Variants in CHRND observed in about 807,000 individuals in gnomAD.
CHRND encodes cholinergic receptor nicotinic delta subunit, also known as acetylcholine receptor subunit delta.
A neutral mutation model predicts 57.8 loss-of-function variants in CHRND; 40 were observed. That is an observed-to-expected ratio of 0.69 (90% confidence interval 0.54 to 0.90). The LOEUF is 0.90. Ranked by LOEUF, CHRND falls within the 40% of genes least tolerant of loss-of-function variation. The pLI is 0.00. For missense variants in CHRND, 634 were observed against 673.9 expected, an observed-to-expected ratio of 0.94 and a Z score of 0.66; for synonymous variants, 237 against 270.6, an observed-to-expected ratio of 0.88 and a Z score of 1.22.
chr2:232,530,875 G>A (rs1342407796), intron 7 of CHRND, among the ~76,000 whole-genome samples: 1 of 152,186 alleles, frequency 6.6e-6, no homozygotes, highest in Non-Finnish European at 1.5e-5. Flanking sequence ...CAGGTGGGAA[G>A]AGCAAGACAG....
At position 232,530,123 on chromosome 2, in the gene CHRND, C is replaced by T. The variant is rs1483430365; in HGVS notation, c.804C>T (p.Phe268=). The T allele has an allele frequency of 6.2e-7, 1 of 1,614,160 alleles. No homozygotes were observed. Among genetic ancestry groups the T allele is most frequent in the African/African-American group, 1.3e-5 (1 of 75,044 alleles). Residue 268 remains phenylalanine (F), a synonymous_variant, in exon 7 of 12, where the codon TTC becomes TTT. Coordinates refer to ENST00000258385, the MANE Select transcript of CHRND (RefSeq NM_000751.3). ...VLISFMVNLV[F]YLPADSGEKT... is the part of the protein sequence containing the mutation. Reference sequence around the variant, plus strand: ...TCTCCTTCATGGTCAACCTGGTCTTCTACCTACCGGCTGACAGTGAGCCTC... The same window carrying T: ...TCTCCTTCATGGTCAACCTGGTCTTTTACCTACCGGCTGACAGTGAGCCTC...
intron 1 of CHRND, 92 bp downstream of exon 1, chr2:232,526,359 C>A: frequency 6.6e-7 from 1 of 1,523,588 alleles, no homozygotes; most frequent in Non-Finnish European, 9.0e-7. Context: ...CACTCCCACT[C>A]TGCCATCTCT....
intron 9 of CHRND, among the ~76,000 whole-genome samples, chr2:232,532,711 C>T (rs999291313): frequency 2.0e-5 from 3 of 152,130 alleles, no homozygotes; most frequent in African/African-American, 7.2e-5. Context: ...CAGGCCAAAT[C>T]AGTGTTTGGT....
rs113196165 is a variant in CHRND at position 232,531,299 on chromosome 2, T to G, written c.821-53T>G. 6.4e-4 allele frequency: 624 copies of G among 982,352 alleles called. 2 individuals carry two copies. The highest frequency in any genetic ancestry group is 4.6e-3 in the South Asian group (276 of 60,386). The allele number at this position is 982,352 out of a possible 1,614,324, so 60.9% of individuals were successfully genotyped here. A position where few individuals can be genotyped will look rare whatever the true frequency, so the allele number is the denominator to read the frequency against. ...AGGACCGGTGCCCCAAGGTCACAGCTGGACCCTCTAGGACCGGTGCCCCAA... is the reference window on the plus strand; with the variant it reads ...AGGACCGGTGCCCCAAGGTCACAGCGGGACCCTCTAGGACCGGTGCCCCAA... On this transcript the variant is annotated intron_variant, in intron 7 of 11. Coordinates refer to ENST00000258385, the MANE Select transcript of CHRND (RefSeq NM_000751.3).
chr2:232,526,318 G>A (rs748945280), intron 1 of CHRND, 51 bp downstream of exon 1: 8 of 1,587,296 alleles, frequency 5.0e-6, no homozygotes, highest in South Asian at 1.1e-5. Context: ...TGCTTACCCA[G>A]GCCCCACACC....
intron 9 of CHRND, among the ~76,000 whole-genome samples, chr2:232,533,441 G>T (rs897367395): frequency 6.6e-6 from 1 of 152,220 alleles, no homozygotes; most frequent in African/African-American, 2.4e-5. Context: ...CGCACCATGG[G>T]TGATGTGGGA....
rs1191268568 is a variant in CHRND, at chr2:232,528,340, G to C, written c.322G>C (p.Val108Leu). Reference protein sequence around the residue: ...ISVLRLPPDMVWLPEIVLENN... With the variant: ...ISVLRLPPDMLWLPEIVLENN... ...TGTCCTGCGCCTCCCCCCGGACATGGTGTGGCTCCCAGAGATTGTGCTGGA... is the reference window on the plus strand; with the variant it reads ...TGTCCTGCGCCTCCCCCCGGACATGCTGTGGCTCCCAGAGATTGTGCTGGA... The change falls in exon 4 of 12, where the codon GTG becomes CTG. Residue 108 changes from valine (V) to leucine (L), a missense_variant. Coordinates refer to ENST00000258385, the MANE Select transcript of CHRND (RefSeq NM_000751.3). The C allele has an allele frequency of 4.3e-6, 7 of 1,614,106 alleles. No homozygotes were observed. Among genetic ancestry groups the C allele is most frequent in the Middle Eastern group, 1.6e-4 (1 of 6,062 alleles).
At position 232,528,861 on chromosome 2, in the gene CHRND, G is replaced by C; in HGVS notation, c.510-1G>C. On this transcript the variant is annotated splice_acceptor_variant, in intron 5 of 11. Coordinates refer to ENST00000258385, the MANE Select transcript of CHRND (RefSeq NM_000751.3). LOFTEE classifies it high-confidence loss of function. Reference sequence around the variant, plus strand: ...CACTCTCTGCCCATTGCCCTCCCCAGTTCCCTCAAGTATACGGCCAAAGAG... The same window carrying C: ...CACTCTCTGCCCATTGCCCTCCCCACTTCCCTCAAGTATACGGCCAAAGAG... 2 of 1,613,316 alleles carry C rather than the reference G, an allele frequency of 1.2e-6. No individual in the cohort carries two copies. Among genetic ancestry groups the C allele is most frequent in the Non-Finnish European group, 1.7e-6 (2 of 1,179,420 alleles).
chr2:232,531,946 C>CAAAAAAAAAAAAAAAA (rs778006115), intron 9 of CHRND, among the ~76,000 whole-genome samples: 25 of 46,064 alleles, frequency 5.4e-4, no homozygotes, highest in African/African-American at 2.9e-3. Flanking sequence ...GACCTTGTCT[C>CAAAAAAAAAAAAAAAA]AAAAAAAAAA....
Position 232,531,337 on chromosome 2 carries a change from G to C in CHRND, c.821-15G>C. On this transcript the variant is annotated splice_polypyrimidine_tract_variant and intron_variant, in intron 7 of 11. Transcript: ENST00000258385. ...ACCGGTGCCCCAAGGTCACAGCTAA[G>C]TCTGGCTTCCCCAGGTGGTGAGAAG... The C allele has an allele frequency of 6.2e-7, 1 of 1,601,060 alleles. No individual in the cohort carries two copies. The highest frequency in any genetic ancestry group is 8.6e-7 in the Non-Finnish European group (1 of 1,168,744).
chr2:232,534,077 C>T lies in CHRND; in HGVS notation c.1194C>T (p.Asp398=), dbSNP rs749461400. 6 of 1,614,126 alleles carry T rather than the reference C, an allele frequency of 3.7e-6. No individual in the cohort carries two copies. Among genetic ancestry groups the T allele is most frequent in the Non-Finnish European group, 5.1e-6 (6 of 1,180,046 alleles). Residue 398 remains aspartate, a synonymous_variant, in exon 10 of 12, where the codon GAC becomes GAT. Coordinates refer to ENST00000258385, the MANE Select transcript of CHRND (RefSeq NM_000751.3). ...ACTTCCTGCTCAAGTCCCGCAGTGA[C>T]CTCATGTTCGAGAAGCAGTCAGAGC... The part of the protein sequence containing the change: ...EEYFLLKSRS[D]LMFEKQSERH...
intron 6 of CHRND, 78 bp downstream of exon 6, chr2:232,529,049 C>A: frequency 2.3e-6 from 2 of 881,150 alleles, no homozygotes; most frequent in Non-Finnish European, 3.8e-6. Context: ...ACCCCAGAGA[C>A]ACACACGTGC....
intron 9 of CHRND, among the ~76,000 whole-genome samples, chr2:232,532,476 CAAA>C (rs578172115): frequency 0.012 from 1,068 of 92,510 alleles, 15 homozygotes; most frequent in African/African-American, 0.04. Context: ...ACTCTGTCTC[CAAA>C]AAAAAAAAAA....
intron 6 of CHRND, 68 bp from the exon 7 acceptor site, chr2:232,529,871 C>A: frequency 6.4e-7 from 1 of 1,556,706 alleles, no homozygotes; most frequent in Non-Finnish European, 8.8e-7. Flanking sequence ...GCCCCTCATT[C>A]TGTCCCCAGG....
At chr2:232,527,376 G>A (rs771977854) in intron 2 of CHRND, 25 bp from the exon 3 acceptor site, 12 of 1,592,516 alleles carry the variant, frequency 7.5e-6, no homozygotes, top group Non-Finnish European at 9.5e-6. Context: ...TGGCCCTGAA[G>A]GATGGCCCTA....
At position 232,535,363 on chromosome 2, in the gene CHRND, C is replaced by T. The variant is rs769599634; in HGVS notation, c.*51C>T. The T allele has an allele frequency of 8.7e-6, 14 of 1,600,070 alleles. No homozygotes were observed. The East Asian group carries it at 2.0e-4, about 23-fold the overall frequency. On this transcript the variant is annotated 3_prime_UTR_variant, in exon 12 of 12. Transcript: ENST00000258385. ...ACAGCAGGGTCTGAGAGAGGAGCCA[C>T]AGTCCCTAATGACACCCACTCCTAG...
At chr2:232,531,492 C>T (rs747361396) in intron 8 of CHRND, 29 bp downstream of exon 8, 13 of 1,613,300 alleles carry the variant, frequency 8.1e-6, no homozygotes, top group Admixed American at 6.7e-5. Flanking sequence ...CGGCCTCACC[C>T]TGCTTGCCAG....
At chr2:232,534,999 C>A in intron 11 of CHRND, 131 bp from the exon 12 acceptor site, 1 of 1,039,632 alleles carries the variant, frequency 9.6e-7, no homozygotes, top group Admixed American at 2.1e-5. Context: ...CCAGCATTAT[C>A]CTGCAAGCCC....
At chr2:232,531,090 T>C (rs976151423) in intron 7 of CHRND, among the ~76,000 whole-genome samples, 4 of 152,194 alleles carry the variant, frequency 2.6e-5, no homozygotes, top group African/African-American at 9.7e-5. Flanking sequence ...AAACACACTC[T>C]GTCACCACAT....
Sources: gnomAD v4.1 joint callset for allele counts (sites outside exome capture counted in the v4.1 genomes callset) on GRCh38, gnomAD v4.1.1 for gene constraint, MANE v1.5 for transcripts, NCBI Gene and HGNC (gene_info 2026-07-23, HGNC 2026-07-21) for gene names.